The following KCNH8 variants were observed in gnomAD, a reference collection of about 807,000 sequenced individuals.
KCNH8 encodes the protein potassium voltage-gated channel subfamily H member 8.
A neutral mutation model predicts 103.6 loss-of-function variants in KCNH8; 70 were observed. The ratio of observed to expected loss-of-function variants is 0.68; its 90% confidence interval spans 0.56 to 0.82. The LOEUF (loss-of-function observed/expected upper bound fraction) is 0.82. Among genes scored for constraint, KCNH8 ranks in the 40% least tolerant of loss-of-function variants. The pLI, the probability that KCNH8 is intolerant of heterozygous loss-of-function variation, is 0.00. For synonymous variants in KCNH8, 498 were observed against 489.4 expected (o/e 1.02, Z -0.23); for missense variants, 1,217 against 1,329.9 (o/e 0.92, Z 1.32).
chr3:19,498,785 G>C (rs200101421), intron 11 of KCNH8, among the ~76,000 whole-genome samples: 1 of 152,108 alleles, frequency 6.6e-6, no homozygotes, highest in Non-Finnish European at 1.5e-5. Context: ...CTGTTTGTTA[G>C]TTTTCCTTCT....
intron 1 of KCNH8, among the ~76,000 whole-genome samples, chr3:19,195,351 C>G (rs930811903): frequency 2.6e-5 from 4 of 151,896 alleles, no homozygotes; most frequent in African/African-American, 7.2e-5. Context: ...AGGGATCACA[C>G]AGCAGAACTT....
At chr3:19,263,585 G>T (rs2064465137) in intron 2 of KCNH8, among the ~76,000 whole-genome samples, 1 of 151,466 alleles carries the variant, frequency 6.6e-6, no homozygotes, top group Non-Finnish European at 1.5e-5. Context: ...CGTCAGCATG[G>T]TGGGTTTGGG....
At chr3:19,294,569 T>C (rs1435201386) in intron 3 of KCNH8, among the ~76,000 whole-genome samples, 3 of 152,370 alleles carry the variant, frequency 2.0e-5, no homozygotes, top group East Asian at 1.9e-4. Flanking sequence ...GAAGAGCTCA[T>C]ATAGATGCTT....
intron 2 of KCNH8, among the ~76,000 whole-genome samples, chr3:19,274,049 A>G (rs2064627818): frequency 6.6e-6 from 1 of 152,146 alleles, no homozygotes; most frequent in Non-Finnish European, 1.5e-5. Flanking sequence ...AGGAGAATTA[A>G]ATTGACTTGA....
At chr3:19,228,455 G>A (rs1053319984) in intron 1 of KCNH8, among the ~76,000 whole-genome samples, 34 of 152,220 alleles carry the variant, frequency 2.2e-4, no homozygotes, top group African/African-American at 7.9e-4. Flanking sequence ...GGCTTATTTT[G>A]TAACATATGA....
intron 1 of KCNH8, among the ~76,000 whole-genome samples, chr3:19,242,678 G>T (rs1226523256): frequency 3.3e-5 from 5 of 152,184 alleles, no homozygotes; most frequent in Middle Eastern, 3.4e-3. Context: ...AGAGCAGAAG[G>T]TCTTAATTTT....
At chr3:19,230,295 G>T (rs1354738130) in intron 1 of KCNH8, among the ~76,000 whole-genome samples, 1 of 152,146 alleles carries the variant, frequency 6.6e-6, no homozygotes, top group Non-Finnish European at 1.5e-5. Context: ...ATAATTCAAG[G>T]TTTCAATAAA....
chr3:19,302,370 A>G (rs2065073944), intron 3 of KCNH8, among the ~76,000 whole-genome samples: 1 of 152,234 alleles, frequency 6.6e-6, no homozygotes, highest in Non-Finnish European at 1.5e-5. Context: ...TTATTAAAAT[A>G]TCACACATCC....
At chr3:19,455,557 TAAG>T (rs2067518489) in intron 10 of KCNH8, among the ~76,000 whole-genome samples, 1 of 152,022 alleles carries the variant, frequency 6.6e-6, no homozygotes, top group Non-Finnish European at 1.5e-5. Context: ...ATCTAGACAG[TAAG>T]AAGGCCACAA....
chr3:19,460,702 A>G (rs2067610073), intron 11 of KCNH8, among the ~76,000 whole-genome samples: 1 of 152,160 alleles, frequency 6.6e-6, no homozygotes, highest in Non-Finnish European at 1.5e-5. Context: ...AAGAAGTTTC[A>G]TATGGTTTGA....
chr3:19,466,123 G>T (rs773527101), intron 11 of KCNH8, among the ~76,000 whole-genome samples: 1 of 151,732 alleles, frequency 6.6e-6, no homozygotes, highest in Non-Finnish European at 1.5e-5. Flanking sequence ...ATGAGGTCTC[G>T]CTATATTGCT....
intron 3 of KCNH8, among the ~76,000 whole-genome samples, chr3:19,282,971 C>T (rs2064777177): frequency 6.6e-6 from 1 of 152,080 alleles, no homozygotes; most frequent in South Asian, 2.1e-4. Context: ...GGCAAAGTTG[C>T]CCCTCAGTCA....
intron 11 of KCNH8, among the ~76,000 whole-genome samples, chr3:19,480,310 G>T (rs1027075139): frequency 6.6e-6 from 1 of 152,110 alleles, no homozygotes; most frequent in Admixed American, 6.6e-5. Flanking sequence ...CAACAGGACT[G>T]AAAAACCACT....
intron 11 of KCNH8, among the ~76,000 whole-genome samples, chr3:19,458,642 C>G (rs2067572102): frequency 6.6e-6 from 1 of 151,898 alleles, no homozygotes; most frequent in African/African-American, 2.4e-5. Context: ...TTCAAGTGTA[C>G]AATACATCGT....
At chr3:19,174,126 T>C (rs770148137) in intron 1 of KCNH8, among the ~76,000 whole-genome samples, 7 of 151,972 alleles carry the variant, frequency 4.6e-5, no homozygotes, top group African/African-American at 7.3e-5. Context: ...AAGAAAAAGA[T>C]TCCCTGTGGC....
At chr3:19,387,242 G>A (rs1475379212) in intron 5 of KCNH8, among the ~76,000 whole-genome samples, 2 of 152,012 alleles carry the variant, frequency 1.3e-5, no homozygotes, top group African/African-American at 4.8e-5. Flanking sequence ...GAATTTGATC[G>A]AAGGACTACA....
At chr3:19,527,934 C>T (rs993009051) in intron 15 of KCNH8, among the ~76,000 whole-genome samples, 2 of 152,016 alleles carry the variant, frequency 1.3e-5, no homozygotes, top group Admixed American at 1.3e-4. Flanking sequence ...ATGGTGTTTT[C>T]ATCACTTCTT....
At position 19,281,298 on chromosome 3, in the gene KCNH8, A is replaced by G. The variant is rs761886296; in HGVS notation, c.411A>G (p.Lys137=). 4.3e-6 allele frequency: 7 copies of G among 1,609,320 alleles called. No individual in the cohort carries two copies. Among genetic ancestry groups the G allele is most frequent in the Admixed American group, 3.4e-5 (2 of 59,434 alleles). Residue 137 remains lysine (K), a synonymous_variant, in exon 3 of 16, where the codon AAA becomes AAG. Coordinates refer to ENST00000328405, the MANE Select transcript of KCNH8 (RefSeq NM_144633.3). ...CGTTCAAAGATATAACAGATACAAA[A>G]GTGAAGATTACTCCAGAAGATAAAA... ...LASFKDITDT[K]VKITPEDKKE...
chr3:19,392,318 C>CAAAA (rs10662694), intron 6 of KCNH8, among the ~76,000 whole-genome samples: 50 of 125,416 alleles, frequency 4.0e-4, no homozygotes, highest in African/African-American at 1.3e-3. Flanking sequence ...ACATCTGTGT[C>CAAAA]AAAAAAAAAA....
Sources: allele counts gnomAD v4.1 joint callset (sites outside exome capture counted in the v4.1 genomes callset), GRCh38; gene constraint gnomAD v4.1.1; transcripts MANE v1.5; gene names NCBI Gene and HGNC (gene_info 2026-07-23, HGNC 2026-07-21).